The following ARFGEF3 variants were observed in gnomAD, a reference collection of about 807,000 sequenced individuals.
The protein encoded by ARFGEF3 is brefeldin A-inhibited guanine nucleotide-exchange protein 3.
Under a neutral mutation model 221.7 loss-of-function variants are expected in ARFGEF3, and 96 were observed. The ratio of observed to expected loss-of-function variants is 0.43; its 90% CI spans 0.37 to 0.51. The LOEUF (loss-of-function observed/expected upper bound fraction) is 0.51. ARFGEF3 is among the 20% of genes least tolerant of loss of function. The pLI, the probability that ARFGEF3 is intolerant of heterozygous loss-of-function variation, is 0.00. For synonymous variants in ARFGEF3, 1,145 were observed against 1,126.8 expected, an observed-to-expected ratio of 1.02 and a Z score of -0.32; for missense variants, 2,410 against 2,789.9, an observed-to-expected ratio of 0.86 and a Z score of 3.07.
intron 25 of ARFGEF3, among the ~76,000 whole-genome samples, chr6:138,312,293 C>T (rs1205412075): frequency 6.6e-6 from 1 of 152,110 alleles, no homozygotes; most frequent in Non-Finnish European, 1.5e-5. Context: ...TTCAGTGACA[C>T]CCCTCTCTCA....
chr6:138,310,091 G>A (rs1317601219), intron 24 of ARFGEF3, among the ~76,000 whole-genome samples: 1 of 152,096 alleles, frequency 6.6e-6, no homozygotes, highest in African/African-American at 2.4e-5. Flanking sequence ...TATTTGTTTG[G>A]GGCCTGGGAT....
At chr6:138,228,507 G>C (rs1369016391) in intron 4 of ARFGEF3, among the ~76,000 whole-genome samples, 1 of 151,852 alleles carries the variant, frequency 6.6e-6, no homozygotes, top group East Asian at 1.9e-4. Flanking sequence ...ATTTTTATTT[G>C]GTGTTGATTC....
chr6:138,329,958 T>TG (rs536138775), intron 32 of ARFGEF3, among the ~76,000 whole-genome samples: 3,857 of 151,170 alleles, frequency 0.026, 75 homozygotes, highest in South Asian at 0.043. Context: ...TTATAGGATT[T>TG]GGGTAGGTAA....
rs534914100 is a variant in ARFGEF3, at chr6:138,209,855, A to G, written c.220-55A>G. 313 of 1,595,390 alleles carry G rather than the reference A, an allele frequency of 2.0e-4. 3 individuals are homozygous for G. In the South Asian group the frequency reaches 3.4e-3, roughly 18 times the overall value. ...ATCAATCCATAATAAGATACAACCA[A>G]ATAAGGCAGCAGGGGAGAGCCTATC... On this transcript the variant is annotated intron_variant, in intron 3 of 33. Coordinates refer to ENST00000251691, the MANE Select transcript of ARFGEF3 (RefSeq NM_020340.5).
Position 138,303,592 on chromosome 6 carries a change from C to T in ARFGEF3, c.3829-3661C>T, listed in dbSNP as rs1779663636. Among the ~76,000 whole-genome samples, 2 of 152,092 alleles carry T rather than the reference C, an allele frequency of 1.3e-5. 1 individual carries two copies. The highest frequency in any genetic ancestry group is 4.1e-4 in the South Asian group (2 of 4,824). ...GGCCAAGGCAGGCAGATCACGAGGT[C>T]AAGAGATGGAGACCATCCTGGCTAA... On this transcript the variant is annotated intron_variant, in intron 22 of 33. Coordinates refer to ENST00000251691, the MANE Select transcript of ARFGEF3 (RefSeq NM_020340.5).
At chr6:138,234,650 A>C (rs1370404704) in intron 5 of ARFGEF3, among the ~76,000 whole-genome samples, 1 of 152,134 alleles carries the variant, frequency 6.6e-6, no homozygotes, top group Non-Finnish European at 1.5e-5. Flanking sequence ...TTACAGTGAG[A>C]GCCAAGATTT....
At chr6:138,241,793 C>T (rs574908533) in intron 6 of ARFGEF3, among the ~76,000 whole-genome samples, 2 of 152,352 alleles carry the variant, frequency 1.3e-5, no homozygotes, top group South Asian at 4.1e-4. Flanking sequence ...TCCCCAGCTG[C>T]ATGCCAGGAC....
chr6:138,254,005 C>T, intron 9 of ARFGEF3, 21 bp downstream of exon 9: 1 of 1,504,120 alleles, frequency 6.6e-7, no homozygotes. Flanking sequence ...ACTCCTGACG[C>T]CCCGACGCTG....
chr6:138,195,180 T>C (rs912872100), intron 2 of ARFGEF3, among the ~76,000 whole-genome samples: 29 of 151,682 alleles, frequency 1.9e-4, no homozygotes, highest in African/African-American at 7.0e-4. Context: ...TTTTTGTATT[T>C]TTTAGTAGAG....
At chr6:138,274,795 CA>C (rs11427921) in intron 12 of ARFGEF3, among the ~76,000 whole-genome samples, 159 of 111,492 alleles carry the variant, frequency 1.4e-3, no homozygotes, top group Middle Eastern at 6.5e-3. Context: ...AACTCCGTCT[CA>C]AAAAAAAAAA....
chr6:138,336,209 C>A, intron 33 of ARFGEF3, 86 bp from the exon 34 acceptor site: 2 of 1,050,286 alleles, frequency 1.9e-6, no homozygotes, highest in Non-Finnish European at 2.6e-6. Context: ...GGAAAAAAAC[C>A]ATTTCCACAT....
Position 138,328,105 on chromosome 6 carries a change from C to T in ARFGEF3, c.5086C>T (p.Pro1696Ser), listed in dbSNP as rs765461784. The change falls in exon 32 of 34, where the codon CCT (proline) becomes TCT (serine). Residue 1696 changes from proline to serine, a missense_variant. This residue lies in a region of ARFGEF3 where 723 missense variants were observed against 991.9 expected (regional missense o/e 0.73). Transcript: ENST00000251691. ...GTCCTGCCAGCTCATTATTGAGCTG[C>T]CTCCTGATGAAAAACCAAATGGACA... ...AQSCQLIIEL[P>S]PDEKPNGHTK... The T allele has an allele frequency of 3.8e-6, 6 of 1,586,708 alleles. No homozygotes were observed. Among genetic ancestry groups the T allele is most frequent in the Admixed American group, 1.8e-5 (1 of 55,992 alleles).
chr6:138,298,212 C>T (rs573212875), intron 21 of ARFGEF3, among the ~76,000 whole-genome samples: 2 of 152,222 alleles, frequency 1.3e-5, no homozygotes, highest in East Asian at 1.9e-4. Context: ...CCTCACCTCA[C>T]TGAGGGACAA....
intron 8 of ARFGEF3, among the ~76,000 whole-genome samples, chr6:138,253,566 T>A (rs1778618343): frequency 6.6e-6 from 1 of 152,210 alleles, no homozygotes; most frequent in Non-Finnish European, 1.5e-5. Context: ...AGTGAATGTC[T>A]CTGTGTCCAA....
chr6:138,243,049 A>G, intron 7 of ARFGEF3, 55 bp downstream of exon 7: 1 of 1,392,652 alleles, frequency 7.2e-7, no homozygotes, highest in Non-Finnish European at 1.0e-6. Context: ...GAGAATGCCT[A>G]CTGTGTGCTT....
intron 5 of ARFGEF3, among the ~76,000 whole-genome samples, chr6:138,232,222 T>G (rs1778205651): frequency 6.6e-6 from 1 of 152,070 alleles, no homozygotes; most frequent in Admixed American, 6.6e-5. Context: ...AAGAAAAAGG[T>G]GGGGCTGGGC....
intron 19 of ARFGEF3, among the ~76,000 whole-genome samples, 153 bp downstream of exon 19, chr6:138,292,206 A>T (rs1779422986): frequency 6.6e-6 from 1 of 152,092 alleles, no homozygotes; most frequent in South Asian, 2.1e-4. Flanking sequence ...CTACCATTAC[A>T]TCCATACTTG....
intron 23 of ARFGEF3, 57 bp downstream of exon 23, chr6:138,307,454 A>G: frequency 2.6e-6 from 4 of 1,516,084 alleles, no homozygotes; most frequent in Non-Finnish European, 3.6e-6. Flanking sequence ...GCCAAGTTTC[A>G]TGCTATTAAA....
At chr6:138,203,225 T>A (rs1264194204) in intron 2 of ARFGEF3, among the ~76,000 whole-genome samples, 1 of 152,182 alleles carries the variant, frequency 6.6e-6, no homozygotes, top group Non-Finnish European at 1.5e-5. Context: ...AGTTTTGCTC[T>A]GATCTTATGA....
Sources: gnomAD v4.1 joint callset for allele counts (sites outside exome capture counted in the v4.1 genomes callset) on GRCh38, gnomAD v4.1.1 for gene constraint, gnomAD v4.1.1 regional missense constraint, MANE v1.5 for transcripts, NCBI Gene and HGNC (gene_info 2026-07-23, HGNC 2026-07-21) for gene names.